Variants in GABRB2 observed in about 807,000 individuals in gnomAD.
GABRB2 encodes gamma-aminobutyric acid type A receptor subunit beta2.
GABRB2 carries 16 observed loss-of-function variants against 54.7 expected under a neutral mutation model. The ratio of observed to expected loss-of-function variants is 0.29; its 90% CI spans 0.20 to 0.44. The LOEUF is 0.44. Ranked by LOEUF, GABRB2 falls within the 20% of genes least tolerant of loss-of-function variation. The pLI is 1.00. For synonymous variants in GABRB2, 244 were observed against 233.8 expected (o/e 1.04, Z -0.40); for missense variants, 355 against 644.0 (o/e 0.55, Z 4.86).
intron 9 of GABRB2, among the ~76,000 whole-genome samples, chr5:161,307,346 G>C (rs1298700130): frequency 6.6e-6 from 1 of 152,070 alleles, no homozygotes; most frequent in Non-Finnish European, 1.5e-5. Flanking sequence ...TCACTGCGAG[G>C]GCAAGGCACA....
intron 4 of GABRB2, among the ~76,000 whole-genome samples, chr5:161,444,288 A>G (rs1480100692): frequency 6.6e-6 from 1 of 152,186 alleles, no homozygotes; most frequent in Non-Finnish European, 1.5e-5. Context: ...ATCAATAAAA[A>G]GTTACATACA....
At position 161,501,057 on chromosome 5, in the gene GABRB2, A is replaced by T. The variant is rs187595343; in HGVS notation, c.238-41213T>A. On this transcript the variant is annotated intron_variant, in intron 3 of 9. Transcript: ENST00000393959. The stretch of plus-strand genomic sequence containing the variant: ...TGTCCATGTGTATTTTTAAATGGGC[A>T]TGTATCATCTAGTTACAGAATGTTT... 2.4e-4 allele frequency among the ~76,000 whole-genome samples: 32 copies of T among 132,222 alleles called. No individual in the cohort carries two copies. In the East Asian group the frequency reaches 5.3e-3, roughly 22 times the overall value. 86.7% of individuals were successfully genotyped at this position (132,222 alleles called of 152,430 possible). A position where few individuals can be genotyped will look rare whatever the true frequency, so the allele number is the denominator to read the frequency against.
intron 4 of GABRB2, among the ~76,000 whole-genome samples, chr5:161,422,143 CAT>C (rs1342129593): frequency 6.6e-6 from 1 of 152,022 alleles, no homozygotes; most frequent in Non-Finnish European, 1.5e-5. Context: ...AATGTGCAAA[CAT>C]GTGTTCCTAA....
At chr5:161,322,398 G>C (rs922971074) in intron 9 of GABRB2, among the ~76,000 whole-genome samples, 3 of 151,998 alleles carry the variant, frequency 2.0e-5, no homozygotes, top group African/African-American at 4.8e-5. Context: ...ACCATACCCA[G>C]ATAATTTTTG....
intron 5 of GABRB2, among the ~76,000 whole-genome samples, chr5:161,375,649 A>T (rs1755271312): frequency 1.3e-5 from 2 of 152,222 alleles, no homozygotes; most frequent in African/African-American, 2.4e-5. Context: ...CACCAGCACT[A>T]TCTTTCTAGC....
At chr5:161,447,999 C>T (rs1757684318) in intron 4 of GABRB2, among the ~76,000 whole-genome samples, 1 of 152,014 alleles carries the variant, frequency 6.6e-6, no homozygotes, top group African/African-American at 2.4e-5. Context: ...CTCTGATTTC[C>T]CCTTTAGAAT....
chr5:161,513,727 A>G (rs906971978), intron 3 of GABRB2, among the ~76,000 whole-genome samples: 18 of 152,206 alleles, frequency 1.2e-4, no homozygotes, highest in African/African-American at 3.6e-4. Context: ...CTGAGGCCTC[A>G]GCATTCATAC....
intron 4 of GABRB2, among the ~76,000 whole-genome samples, chr5:161,422,613 C>G (rs1396249629): frequency 6.6e-6 from 1 of 152,082 alleles, no homozygotes; most frequent in Non-Finnish European, 1.5e-5. Context: ...CTTATATTTT[C>G]TACAGTTTCA....
At chr5:161,414,642 A>G (rs1756611218) in intron 4 of GABRB2, among the ~76,000 whole-genome samples, 1 of 152,120 alleles carries the variant, frequency 6.6e-6, no homozygotes, top group Non-Finnish European at 1.5e-5. Context: ...GTGTGTTATG[A>G]GATCAGGAGC....
At position 161,299,725 on chromosome 5, in the gene GABRB2, T is replaced by C. The variant is rs117812434; in HGVS notation, c.1192-5297A>G. Among the ~76,000 whole-genome samples the C allele has an allele frequency of 6.3e-3, 956 of 152,262 alleles. 20 individuals are homozygous for C. In the East Asian group the frequency reaches 0.076, roughly 12 times the overall value. On this transcript the variant is annotated intron_variant, in intron 9 of 9. Transcript: ENST00000393959. ...TTTCTTTCTTAAGCCAGTATTACTT[T>C]GTTTTTCTGTTATTTGCATTCCAAA...
At chr5:161,430,789 C>T (rs1001716349) in intron 4 of GABRB2, among the ~76,000 whole-genome samples, 1 of 151,954 alleles carries the variant, frequency 6.6e-6, no homozygotes, top group Non-Finnish European at 1.5e-5. Flanking sequence ...ATGATAAAAG[C>T]CAATTAAATT....
At chr5:161,468,840 A>C (rs1385107392) in intron 3 of GABRB2, among the ~76,000 whole-genome samples, 1 of 151,976 alleles carries the variant, frequency 6.6e-6, no homozygotes, top group Non-Finnish European at 1.5e-5. Flanking sequence ...ATTAGCAATA[A>C]AATAAAAATT....
intron 9 of GABRB2, among the ~76,000 whole-genome samples, chr5:161,296,436 G>C (rs530245672): frequency 1.3e-5 from 2 of 152,238 alleles, no homozygotes; most frequent in South Asian, 2.1e-4. Context: ...GTTATGAGTT[G>C]ACACCAGACC....
At chr5:161,503,010 A>T (rs947457144) in intron 3 of GABRB2, among the ~76,000 whole-genome samples, 1 of 152,202 alleles carries the variant, frequency 6.6e-6, no homozygotes, top group African/African-American at 2.4e-5. Context: ...TGGACTTCCA[A>T]CAAGACAGAA....
chr5:161,505,723 G>A (rs549035731), intron 3 of GABRB2, among the ~76,000 whole-genome samples: 3 of 152,156 alleles, frequency 2.0e-5, no homozygotes, highest in East Asian at 3.9e-4. Flanking sequence ...CAGAGAAAAC[G>A]TGGCAAAATT....
chr5:161,421,062 C>T (rs1756832698), intron 4 of GABRB2, among the ~76,000 whole-genome samples: 1 of 152,200 alleles, frequency 6.6e-6, no homozygotes, highest in Admixed American at 6.5e-5. Flanking sequence ...GCCACTGCCT[C>T]ATCCCCAGTT....
chr5:161,539,123 T>C (rs1760734510), intron 3 of GABRB2, among the ~76,000 whole-genome samples: 1 of 152,226 alleles, frequency 6.6e-6, no homozygotes, highest in Admixed American at 6.5e-5. Context: ...GGCAAATGTG[T>C]TGTTTTAAGA....
chr5:161,495,084 C>T (rs1759192864), intron 3 of GABRB2, among the ~76,000 whole-genome samples: 2 of 151,894 alleles, frequency 1.3e-5, no homozygotes, highest in Admixed American at 6.6e-5. Flanking sequence ...TCACATGATG[C>T]TTAGTCACAA....
intron 4 of GABRB2, among the ~76,000 whole-genome samples, chr5:161,436,748 A>G (rs900194735): frequency 6.6e-6 from 1 of 152,198 alleles, no homozygotes; most frequent in Admixed American, 6.5e-5. Flanking sequence ...GAGATGGAAA[A>G]AAGAGTTTGA....
Sources: allele counts gnomAD v4.1 joint callset (sites outside exome capture counted in the v4.1 genomes callset), GRCh38; gene constraint gnomAD v4.1.1; transcripts MANE v1.5; gene names NCBI Gene and HGNC (gene_info 2026-07-23, HGNC 2026-07-21).